Variants in SPOCK3 observed in about 807,000 individuals in gnomAD.
SPOCK3 encodes the protein testican-3.
In SPOCK3, 30 loss-of-function variants were observed where a neutral mutation model predicts 56.6. The ratio of observed to expected loss-of-function variants is 0.53; its 90% CI spans 0.40 to 0.72. SPOCK3 has a LOEUF of 0.72. Among genes scored for constraint, SPOCK3 ranks in the 30% least tolerant of loss-of-function variants. SPOCK3 has a pLI of 0.00. For synonymous variants in SPOCK3, 196 were observed against 183.3 expected, an observed-to-expected ratio of 1.07 and a Z score of -0.56; for missense variants, 527 against 530.0, an observed-to-expected ratio of 0.99 and a Z score of 0.06.
At chr4:166,958,670 T>G (rs1230739493) in intron 4 of SPOCK3, among the ~76,000 whole-genome samples, 1 of 152,172 alleles carries the variant, frequency 6.6e-6, no homozygotes, top group Non-Finnish European at 1.5e-5. Flanking sequence ...ATATATCACA[T>G]ACAAGGAAGG....
intron 2 of SPOCK3, among the ~76,000 whole-genome samples, chr4:167,112,733 A>G (rs550916820): frequency 6.6e-6 from 1 of 152,210 alleles, no homozygotes; most frequent in East Asian, 1.9e-4. Context: ...GCCTCACAAA[A>G]TTGCCTTAGA....
intron 4 of SPOCK3, 87 bp downstream of exon 4, chr4:167,000,262 G>C: frequency 1.7e-6 from 1 of 595,224 alleles, no homozygotes; most frequent in Non-Finnish European, 2.9e-6. Flanking sequence ...TAAAAGATTA[G>C]CAGGCACTGC....
chr4:167,139,280 G>A (rs564410959), intron 2 of SPOCK3, among the ~76,000 whole-genome samples: 13 of 152,052 alleles, frequency 8.5e-5, no homozygotes, highest in African/African-American at 2.9e-4. Flanking sequence ...AATAATTTAT[G>A]TGCCCATCAC....
At chr4:167,147,405 T>C (rs865959853) in intron 2 of SPOCK3, among the ~76,000 whole-genome samples, 1 of 152,148 alleles carries the variant, frequency 6.6e-6, no homozygotes, top group Non-Finnish European at 1.5e-5. Flanking sequence ...AGTGTGGTGA[T>C]TCCTCAGGGA....
intron 4 of SPOCK3, among the ~76,000 whole-genome samples, chr4:166,926,113 A>G (rs185336048): frequency 6.6e-6 from 1 of 152,322 alleles, no homozygotes; most frequent in Non-Finnish European, 1.5e-5. Context: ...TTTGAATAGC[A>G]TAGTCATCAA....
At chr4:167,220,281 G>C (rs559226930) in intron 2 of SPOCK3, among the ~76,000 whole-genome samples, 75 of 151,902 alleles carry the variant, frequency 4.9e-4, no homozygotes, top group Non-Finnish European at 8.5e-4. Flanking sequence ...GGGGGTGGTG[G>C]CACAACTGTA....
At chr4:167,109,006 AT>A in intron 2 of SPOCK3, among the ~76,000 whole-genome samples, 1 of 98,516 alleles carries the variant, frequency 1.0e-5, no homozygotes, top group African/African-American at 4.7e-5. Flanking sequence ...ATATATATAA[AT>A]ATATACTTAT....
At chr4:166,897,189 C>T (rs942503865) in intron 5 of SPOCK3, among the ~76,000 whole-genome samples, 9 of 152,064 alleles carry the variant, frequency 5.9e-5, no homozygotes, top group African/African-American at 2.2e-4. Context: ...CCGCCATTTT[C>T]TATGGCTTTT....
At chr4:167,189,883 C>T (rs1255306810) in intron 2 of SPOCK3, among the ~76,000 whole-genome samples, 1 of 145,810 alleles carries the variant, frequency 6.9e-6, no homozygotes, top group Non-Finnish European at 1.5e-5. Flanking sequence ...CAATATTTGT[C>T]TTTCTGAGTT....
At chr4:166,741,519 T>C (rs2126392695) in intron 9 of SPOCK3, among the ~76,000 whole-genome samples, 1 of 152,312 alleles carries the variant, frequency 6.6e-6, no homozygotes, top group Non-Finnish European at 1.5e-5. Context: ...GAAATATCTA[T>C]CTACTTATAC....
chr4:166,799,066 G>C (rs909512409), intron 6 of SPOCK3, among the ~76,000 whole-genome samples: 9 of 152,126 alleles, frequency 5.9e-5, no homozygotes, highest in African/African-American at 1.9e-4. Context: ...CAATGTTGCA[G>C]GCTACAAATT....
chr4:166,856,180 G>GAGA (rs1350993748), intron 6 of SPOCK3, among the ~76,000 whole-genome samples: 2 of 151,954 alleles, frequency 1.3e-5, no homozygotes, highest in African/African-American at 4.8e-5. Flanking sequence ...GGAGGAGGAG[G>GAGA]AGGAGGAAGT....
chr4:167,033,150 A>G (rs1328249038), intron 3 of SPOCK3, among the ~76,000 whole-genome samples: 1 of 151,908 alleles, frequency 6.6e-6, no homozygotes, highest in Admixed American at 6.6e-5. Flanking sequence ...TTACTAAATT[A>G]GGAGTGGGAA....
At chr4:167,050,881 C>T (rs1469182077) in intron 3 of SPOCK3, among the ~76,000 whole-genome samples, 1 of 151,884 alleles carries the variant, frequency 6.6e-6, no homozygotes, top group Non-Finnish European at 1.5e-5. Context: ...TTGGGGTTGC[C>T]AAGTGCTGAG....
intron 4 of SPOCK3, among the ~76,000 whole-genome samples, chr4:166,918,660 T>G (rs1738159582): frequency 1.3e-5 from 2 of 152,172 alleles, no homozygotes; most frequent in African/African-American, 4.8e-5. Context: ...TAAACATATT[T>G]TAAAATACAG....
intron 2 of SPOCK3, among the ~76,000 whole-genome samples, chr4:167,138,157 A>G (rs1763267246): frequency 6.6e-6 from 1 of 151,732 alleles, no homozygotes; most frequent in South Asian, 2.1e-4. Context: ...AGCACCTTTC[A>G]GATCATTTCT....
chr4:167,220,610 T>A (rs1735819385), intron 2 of SPOCK3, among the ~76,000 whole-genome samples: 1 of 151,558 alleles, frequency 6.6e-6, no homozygotes, highest in South Asian at 2.1e-4. Flanking sequence ...GGTCTCAAAC[T>A]CCTGGCCACA....
intron 2 of SPOCK3, among the ~76,000 whole-genome samples, chr4:167,080,613 T>C (rs977007506): frequency 2.0e-5 from 3 of 151,794 alleles, no homozygotes; most frequent in African/African-American, 7.3e-5. Flanking sequence ...CTTGAGGAAT[T>C]AGGTTAAGAG....
intron 3 of SPOCK3, among the ~76,000 whole-genome samples, chr4:167,037,847 T>C (rs773318771): frequency 2.0e-5 from 3 of 152,262 alleles, no homozygotes; most frequent in Non-Finnish European, 4.4e-5. Flanking sequence ...TCTGCACATC[T>C]AATTAGATAA....
Sources: gnomAD v4.1 joint callset for allele counts (sites outside exome capture counted in the v4.1 genomes callset) on GRCh38, gnomAD v4.1.1 for gene constraint, MANE v1.5 for transcripts, NCBI Gene and HGNC (gene_info 2026-07-23, HGNC 2026-07-21) for gene names.